The following SHANK2 variants were observed in gnomAD, a reference collection of about 807,000 sequenced individuals.
The protein encoded by SHANK2 is SH3 and multiple ankyrin repeat domains protein 2.
A neutral mutation model predicts 133.7 loss-of-function variants in SHANK2; 43 were observed. The ratio of observed to expected loss-of-function variants is 0.32; its 90% CI spans 0.25 to 0.41. SHANK2 has a LOEUF of 0.41. SHANK2 is among the 10% of genes least tolerant of loss of function. The probability of loss-of-function intolerance (pLI) is 1.00; values close to 1 mark genes in which losing one functional copy is unlikely to be tolerated. For synonymous variants in SHANK2, 1,017 were observed against 952.8 expected, an observed-to-expected ratio of 1.07 and a Z score of -1.24; for missense variants, 1,994 against 2,235.8, an observed-to-expected ratio of 0.89 and a Z score of 2.18.
intron 10 of SHANK2, among the ~76,000 whole-genome samples, chr11:70,922,023 G>A (rs4514444): frequency 1.3e-5 from 2 of 152,202 alleles, no homozygotes; most frequent in East Asian, 1.9e-4. Flanking sequence ...GTATGATCAA[G>A]AAGGTAAAAG....
At chr11:71,093,053 G>C (rs947323128) in intron 7 of SHANK2, among the ~76,000 whole-genome samples, 2 of 103,522 alleles carry the variant, frequency 1.9e-5, no homozygotes, top group Non-Finnish European at 4.5e-5. Flanking sequence ...AAAAATAAAG[G>C]GGGGGGGGGG....
At chr11:70,868,832 C>T (rs543957480) in intron 11 of SHANK2, among the ~76,000 whole-genome samples, 2 of 152,352 alleles carry the variant, frequency 1.3e-5, no homozygotes, top group South Asian at 4.1e-4. Flanking sequence ...CCAATTCTCA[C>T]CCAGGGTGCC....
intron 2 of SHANK2, among the ~76,000 whole-genome samples, chr11:71,168,553 G>A (rs1203322005): frequency 2.6e-5 from 4 of 152,106 alleles, no homozygotes; most frequent in African/African-American, 9.7e-5. Context: ...CGGAGTGAAC[G>A]AGACTCCGTC....
At chr11:70,951,328 G>GCTGCA (rs1950836345) in intron 10 of SHANK2, among the ~76,000 whole-genome samples, 1 of 151,668 alleles carries the variant, frequency 6.6e-6, no homozygotes, top group Admixed American at 6.6e-5. Context: ...TCCCCTGGCT[G>GCTGCA]CTGTGCCATG....
chr11:71,094,167 C>T (rs1434699916), intron 7 of SHANK2, among the ~76,000 whole-genome samples: 1 of 152,054 alleles, frequency 6.6e-6, no homozygotes, highest in Non-Finnish European at 1.5e-5. Context: ...GGCGGATTCT[C>T]AGGAATGGCT....
rs192551460 is a variant in SHANK2, at chr11:71,144,543, G to A, written c.207+2577C>T. 2.4e-3 allele frequency among the ~76,000 whole-genome samples: 364 copies of A among 152,146 alleles called. 3 individuals carry two copies. The highest frequency in any genetic ancestry group is 8.2e-3 in the African/African-American group (341 of 41,506). ...CATCCTGCCAACCCAGGTGGACTGA[G>A]AAGAGAGAAAAAAAATAAAGCATCT... On this transcript the variant is annotated intron_variant, in intron 3 of 25. Coordinates refer to ENST00000601538, the MANE Select transcript of SHANK2 (RefSeq NM_012309.5).
intron 8 of SHANK2, among the ~76,000 whole-genome samples, chr11:71,091,383 T>A (rs1951517587): frequency 6.6e-6 from 1 of 152,138 alleles, no homozygotes; most frequent in African/African-American, 2.4e-5. Flanking sequence ...CACTGCCCAG[T>A]CTGACCACAG....
intron 8 of SHANK2, among the ~76,000 whole-genome samples, chr11:71,075,684 C>A (rs1044725725): frequency 3.3e-5 from 5 of 152,202 alleles, no homozygotes; most frequent in African/African-American, 9.6e-5. Flanking sequence ...CAAGCTCCCC[C>A]TTCCAAGGGG....
chr11:70,542,122 C>A (rs1247200823), intron 17 of SHANK2, among the ~76,000 whole-genome samples: 2 of 152,240 alleles, frequency 1.3e-5, no homozygotes, highest in African/African-American at 4.8e-5. Context: ...AAACAGACTA[C>A]ATAGTGAGCT....
At chr11:71,081,840 C>T (rs1294986080) in intron 8 of SHANK2, among the ~76,000 whole-genome samples, 2 of 152,206 alleles carry the variant, frequency 1.3e-5, no homozygotes, top group South Asian at 2.1e-4. Context: ...GAGGCTCGGC[C>T]GCTCGTGCCC....
intron 10 of SHANK2, among the ~76,000 whole-genome samples, chr11:70,944,542 G>A (rs567845255): frequency 7.2e-5 from 11 of 152,322 alleles, no homozygotes; most frequent in East Asian, 3.9e-4. Flanking sequence ...TTCCCACTGC[G>A]CTTCCCATAT....
At chr11:71,149,322 T>A (rs4424695) in intron 2 of SHANK2, among the ~76,000 whole-genome samples, 54,411 of 152,100 alleles carry the variant, frequency 0.36, 12,112 homozygotes, top group African/African-American at 0.63. Context: ...AGCCCCGCCC[T>A]GGAGGAACCT....
chr11:70,662,602 T>C (rs1208476669), intron 15 of SHANK2, among the ~76,000 whole-genome samples: 3 of 152,224 alleles, frequency 2.0e-5, no homozygotes, highest in African/African-American at 7.2e-5. Flanking sequence ...GATGATGAAT[T>C]CATTGCTGGG....
intron 3 of SHANK2, among the ~76,000 whole-genome samples, chr11:71,138,338 G>T (rs1344539951): frequency 6.6e-6 from 1 of 152,220 alleles, no homozygotes; most frequent in Admixed American, 6.5e-5. Context: ...GCCAGCACAG[G>T]TAGAGTCCTC....
intron 11 of SHANK2, among the ~76,000 whole-genome samples, chr11:70,874,674 TA>T (rs34587004): frequency 0.017 from 1,958 of 114,156 alleles, 15 homozygotes; most frequent in African/African-American, 0.03. Context: ...CTGCATTTAC[TA>T]AAAAAAAAAA....
chr11:71,225,041 C>T (rs1555121960), intron 1 of SHANK2, among the ~76,000 whole-genome samples: 1 of 152,214 alleles, frequency 6.6e-6, no homozygotes, highest in African/African-American at 2.4e-5. Flanking sequence ...CAGCCAGGGA[C>T]ATGGTGTGAG....
intron 10 of SHANK2, among the ~76,000 whole-genome samples, chr11:70,936,633 A>G (rs1950575081): frequency 6.6e-6 from 1 of 152,224 alleles, no homozygotes. Context: ...TCTTGTTGAC[A>G]ATCATTTTGG....
chr11:71,098,535 G>C (rs1205591117), intron 6 of SHANK2, among the ~76,000 whole-genome samples: 1 of 152,136 alleles, frequency 6.6e-6, no homozygotes, highest in East Asian at 1.9e-4. Flanking sequence ...TGTGAGAGAA[G>C]ACCACAGAAC....
intron 17 of SHANK2, among the ~76,000 whole-genome samples, chr11:70,561,215 G>A (rs1196663585): frequency 2.0e-5 from 3 of 152,092 alleles, no homozygotes; most frequent in African/African-American, 4.8e-5. Context: ...GTGCACTGGT[G>A]TGATCATAGC....
Sources: allele counts gnomAD v4.1 joint callset (sites outside exome capture counted in the v4.1 genomes callset), GRCh38; gene constraint gnomAD v4.1.1; transcripts MANE v1.5; gene names NCBI Gene and HGNC (gene_info 2026-07-23, HGNC 2026-07-21).